ZRANB1: variants seen among roughly 807,000 people sequenced by gnomAD.
The protein encoded by ZRANB1 is zinc finger RANBP2-type containing 1.
A neutral mutation model predicts 80.5 loss-of-function variants in ZRANB1; 16 were observed. The ratio of observed to expected loss-of-function variants is 0.20; its 90% CI spans 0.13 to 0.30. ZRANB1 has a LOEUF of 0.30. ZRANB1 is among the 10% of genes least tolerant of loss of function. ZRANB1 has a pLI of 1.00. For synonymous variants in ZRANB1, 291 were observed against 293.1 expected (o/e 0.99, Z 0.07); for missense variants, 576 against 862.6 (o/e 0.67, Z 4.16).
chr10:124,945,175 G>A (rs994487272), intron 1 of ZRANB1: 2 of 152,202 alleles, frequency 1.3e-5, no homozygotes, highest in Non-Finnish European at 2.9e-5. Context: ...CACTACCTCT[G>A]TGTTGTTCCA....
At chr10:124,937,648 G>T (rs1951499822), upstream of ZRANB1, among the ~76,000 whole-genome samples, 1 of 152,170 alleles carries the variant, frequency 6.6e-6, no homozygotes, top group Non-Finnish European at 1.5e-5. Flanking sequence ...TATAAAAAAT[G>T]TTCCATTATG....
intron 1 of ZRANB1, among the ~76,000 whole-genome samples, chr10:124,949,338 T>A (rs1180613745): frequency 6.6e-6 from 1 of 151,922 alleles, no homozygotes; most frequent in African/African-American, 2.4e-5. Flanking sequence ...AGCTGAGATT[T>A]GGTTGGGGCT....
In ZRANB1 at chr10:124,987,398, A is replaced by G. The variant is rs1952080434; in HGVS notation, c.*2406A>G. 6.6e-6 allele frequency: 1 copy of G among 151,938 alleles called. No individual in the cohort carries two copies. The highest frequency in any genetic ancestry group is 6.6e-5 in the Admixed American group (1 of 15,262). 9.4% of individuals were successfully genotyped at this position (151,938 alleles called of 1,614,324 possible). Reference sequence around the variant, plus strand: ...TATATAAATTTTTGTTTGGGCGACCAAGATCTAATAATTAAAACCCAGGTG... The same window carrying G: ...TATATAAATTTTTGTTTGGGCGACCGAGATCTAATAATTAAAACCCAGGTG... On this transcript the variant is annotated 3_prime_UTR_variant, in exon 9 of 9. Transcript: ENST00000359653.
At chr10:124,952,466 T>G (rs1951648049) in intron 1 of ZRANB1, among the ~76,000 whole-genome samples, 1 of 152,194 alleles carries the variant, frequency 6.6e-6, no homozygotes, top group Non-Finnish European at 1.5e-5. Flanking sequence ...ACACCTTGAT[T>G]TTAGCTCAGT....
chr10:124,929,698 A>AGCACT, the ZRANB1 span, among the ~76,000 whole-genome samples: 1 of 151,730 alleles, frequency 6.6e-6, no homozygotes, highest in Non-Finnish European at 1.5e-5. Context: ...CTGTAATCCC[A>AGCACT]GCACTGTGGG....
At chr10:124,933,978 T>A in the ZRANB1 span, among the ~76,000 whole-genome samples, 1 of 152,236 alleles carries the variant, frequency 6.6e-6, no homozygotes, top group Non-Finnish European at 1.5e-5. Context: ...CTTTAAGATC[T>A]TCTTTCATTC....
chr10:124,965,405 C>T (rs1564962668), intron 1 of ZRANB1, among the ~76,000 whole-genome samples: 1 of 152,172 alleles, frequency 6.6e-6, no homozygotes, highest in African/African-American at 2.4e-5. Context: ...CATGTTTTCA[C>T]TGTCTTTGTA....
intron 5 of ZRANB1, among the ~76,000 whole-genome samples, chr10:124,979,378 A>G (rs1051760843): frequency 1.3e-5 from 2 of 151,980 alleles, no homozygotes; most frequent in African/African-American, 2.4e-5. Context: ...TTTTAAATGG[A>G]TTGTCTTAAT....
chr10:124,973,639 T>G lies in ZRANB1; in HGVS notation c.1157-6T>G, dbSNP rs772841950. The G allele has an allele frequency of 6.2e-7, 1 of 1,608,576 alleles. No individual in the cohort carries two copies. Among genetic ancestry groups the G allele is most frequent in the Non-Finnish European group, 8.5e-7 (1 of 1,178,184 alleles). Reference sequence around the variant, plus strand: ...AAGATCTTTTAAGTTTGCATTTTCTTTGTAGATATTGAAGATTTGCCCCCA... The same window carrying G: ...AAGATCTTTTAAGTTTGCATTTTCTGTGTAGATATTGAAGATTTGCCCCCA... On this transcript the variant is annotated splice_polypyrimidine_tract_variant and splice_region_variant and intron_variant, in intron 3 of 8. Transcript: ENST00000359653.
the ZRANB1 span, among the ~76,000 whole-genome samples, chr10:124,928,888 G>A: frequency 5.3e-5 from 8 of 152,176 alleles, no homozygotes; most frequent in African/African-American, 1.4e-4. Context: ...TGGAAAATCT[G>A]GGGAAATAAC....
the ZRANB1 span, among the ~76,000 whole-genome samples, chr10:124,919,133 T>C: frequency 2.0e-5 from 3 of 152,226 alleles, no homozygotes; most frequent in Non-Finnish European, 2.9e-5. Flanking sequence ...AACATAGTTT[T>C]GGAACTCATG....
At chr10:124,936,577 TATC>T in the ZRANB1 span, among the ~76,000 whole-genome samples, 2 of 152,222 alleles carry the variant, frequency 1.3e-5, no homozygotes, top group African/African-American at 4.8e-5. Flanking sequence ...GGTTTTACCA[TATC>T]ATCGATCTTC....
chr10:124,947,868 C>T (rs1051857662), intron 1 of ZRANB1, among the ~76,000 whole-genome samples: 5 of 152,144 alleles, frequency 3.3e-5, no homozygotes, highest in African/African-American at 1.2e-4. Context: ...TTGCCTTTGC[C>T]CTCCGTACAA....
At chr10:124,974,735 TA>T (rs1216058889) in intron 5 of ZRANB1, among the ~76,000 whole-genome samples, 3 of 152,228 alleles carry the variant, frequency 2.0e-5, no homozygotes, top group Non-Finnish European at 4.4e-5. Context: ...TCAAGTTATA[TA>T]TAGTAGCCTT....
In ZRANB1 at chr10:124,983,697, T is replaced by C; in HGVS notation, c.1908+9T>C. ...TCCTTTCTGCTCAGGAGGTAAGCAG[T>C]TTCTCCTATGAACTATTTCTAGTAG... On this transcript the variant is annotated intron_variant, in intron 8 of 8. Transcript: ENST00000359653. This position sits in a 1 kb window ranked among gnomAD's most constrained non-coding sequence, Gnocchi z 6.2. 1 of 1,561,840 alleles carries C rather than the reference T, an allele frequency of 6.4e-7. No homozygotes were observed.
the ZRANB1 span, among the ~76,000 whole-genome samples, chr10:124,927,960 C>G: frequency 1.3e-5 from 2 of 152,168 alleles, no homozygotes; most frequent in African/African-American, 4.8e-5. Flanking sequence ...TTGCTTGAAC[C>G]TGGGAGATGG....
chr10:124,970,647 T>A (rs1378534701), intron 2 of ZRANB1, among the ~76,000 whole-genome samples: 1 of 152,162 alleles, frequency 6.6e-6, no homozygotes, highest in East Asian at 1.9e-4. Flanking sequence ...TAGCAGTTAG[T>A]TGTCTGCATA....
chr10:124,962,394 C>T (rs1951741053), intron 1 of ZRANB1: 1 of 985,262 alleles, frequency 1.0e-6, no homozygotes, highest in Non-Finnish European at 1.2e-6. Context: ...GTTGGGCTGG[C>T]CCATGTGGGC....
At chr10:124,924,558 A>G in the ZRANB1 span, among the ~76,000 whole-genome samples, 7 of 152,314 alleles carry the variant, frequency 4.6e-5, no homozygotes, top group African/African-American at 1.4e-4. Context: ...GATATGTCGT[A>G]AATGGAATTG....
Sources: gnomAD v4.1 joint callset for allele counts (sites outside exome capture counted in the v4.1 genomes callset) on GRCh38, gnomAD v4.1.1 for gene constraint, Gnocchi (gnomAD v3.1) non-coding constraint, MANE v1.5 for transcripts, NCBI Gene and HGNC (gene_info 2026-07-23, HGNC 2026-07-21) for gene names.